The following FAM114A2 variants were observed in gnomAD, a reference collection of about 807,000 sequenced individuals.
FAM114A2 encodes the protein protein FAM114A2.
Under a neutral mutation model 58.4 loss-of-function variants are expected in FAM114A2, and 53 were observed. That is an observed-to-expected ratio of 0.91 (90% confidence interval 0.73 to 1.14). The LOEUF (loss-of-function observed/expected upper bound fraction) is 1.14. Ranked by LOEUF, FAM114A2 falls within the 50% of genes most tolerant of loss-of-function variation. The pLI, the probability that FAM114A2 is intolerant of heterozygous loss-of-function variation, is 0.00. For missense variants in FAM114A2, 601 were observed against 581.1 expected, an observed-to-expected ratio of 1.03 and a Z score of -0.35; for synonymous variants, 228 against 211.4, an observed-to-expected ratio of 1.08 and a Z score of -0.68.
intron 4 of FAM114A2, 143 bp downstream of exon 4, chr5:154,033,648 A>T: frequency 1.7e-6 from 1 of 580,724 alleles, no homozygotes; most frequent in Non-Finnish European, 3.1e-6. Context: ...TCTAATTGGG[A>T]ACTAAAGATT....
intron 8 of FAM114A2, among the ~76,000 whole-genome samples, chr5:154,012,491 T>A (rs1398680734): frequency 6.6e-6 from 1 of 152,226 alleles, no homozygotes; most frequent in Admixed American, 6.5e-5. Flanking sequence ...ATTTACAGTC[T>A]ATAGAATATT....
intron 9 of FAM114A2, 117 bp from the exon 10 acceptor site, chr5:154,003,086 T>C: frequency 1.2e-6 from 1 of 819,416 alleles, no homozygotes; most frequent in Non-Finnish European, 2.0e-6. Context: ...TACCTGAACG[T>C]ACCATCTAGC....
intron 8 of FAM114A2, among the ~76,000 whole-genome samples, chr5:154,018,208 T>C (rs1211955751): frequency 6.6e-6 from 1 of 152,264 alleles, no homozygotes; most frequent in African/African-American, 2.4e-5. Flanking sequence ...ATAATCTCAA[T>C]TAGAAACGAA....
chr5:153,997,547 T>C (rs1561539851), intron 12 of FAM114A2, among the ~76,000 whole-genome samples: 1 of 152,054 alleles, frequency 6.6e-6, no homozygotes, highest in South Asian at 2.1e-4. Flanking sequence ...GCCAAATCTA[T>C]AGAGAAAGAA....
At chr5:153,997,541 A>G (rs1007522631) in intron 12 of FAM114A2, among the ~76,000 whole-genome samples, 1 of 152,216 alleles carries the variant, frequency 6.6e-6, no homozygotes, top group Non-Finnish European at 1.5e-5. Context: ...AAAGCAGCCA[A>G]ATCTATAGAG....
intron 8 of FAM114A2, among the ~76,000 whole-genome samples, chr5:154,015,781 T>C (rs1414520676): frequency 6.6e-6 from 1 of 151,916 alleles, no homozygotes; most frequent in Non-Finnish European, 1.5e-5. Flanking sequence ...AAATCCCTGA[T>C]TCAACTGAAA....
intron 13 of FAM114A2, among the ~76,000 whole-genome samples, chr5:153,994,078 A>G (rs924543926): frequency 4.6e-5 from 7 of 152,210 alleles, no homozygotes; most frequent in Non-Finnish European, 1.0e-4. Context: ...TCACAAACTT[A>G]TATTTTTAAA....
At chr5:154,021,388 T>C (rs921428234) in intron 8 of FAM114A2, among the ~76,000 whole-genome samples, 2 of 152,112 alleles carry the variant, frequency 1.3e-5, no homozygotes, top group African/African-American at 4.8e-5. Flanking sequence ...GATTGTATAT[T>C]TAGAAAACCC....
chr5:154,008,899 G>T (rs979960879), intron 9 of FAM114A2, among the ~76,000 whole-genome samples: 1 of 152,202 alleles, frequency 6.6e-6, no homozygotes, highest in African/African-American at 2.4e-5. Context: ...AGATACAAAT[G>T]TGTAATGGGG....
intron 8 of FAM114A2, among the ~76,000 whole-genome samples, chr5:154,026,068 CCAGT>C (rs1771749710): frequency 1.3e-5 from 2 of 152,116 alleles, no homozygotes; most frequent in South Asian, 4.1e-4. Context: ...ATATGAATGA[CCAGT>C]CAAACTGAGG....
intron 13 of FAM114A2, among the ~76,000 whole-genome samples, chr5:153,993,774 CA>C (rs1466630906): frequency 1.3e-5 from 2 of 151,474 alleles, no homozygotes; most frequent in African/African-American, 4.9e-5. Context: ...AAGAGTGTTT[CA>C]AATCTGTATC....
At chr5:154,028,976 T>C (rs1771990985) in intron 5 of FAM114A2, among the ~76,000 whole-genome samples, 1 of 152,216 alleles carries the variant, frequency 6.6e-6, no homozygotes, top group South Asian at 2.1e-4. Flanking sequence ...ACTTGTTACA[T>C]TCTTCTGTAT....
At position 154,033,865 on chromosome 5, in the gene FAM114A2, A is replaced by C. The variant is rs1772353930; in HGVS notation, c.329T>G (p.Val110Gly). The stretch of plus-strand genomic sequence containing the variant: ...AAGGGAAGTCTCTGCCTTCTCGATG[A>C]CATTTGAAATGCCTTGTCCTAATGA... Reference protein sequence around the residue: ...VATVGQGISNVIEKAETSLGI... With the variant: ...VATVGQGISNGIEKAETSLGI... The change falls in exon 4 of 14, where the codon GTC becomes GGC. Residue 110 changes from valine to glycine, a missense_variant. By Grantham distance (109) the Val-to-Gly change is moderately radical. Transcript: ENST00000351797. 6.2e-7 allele frequency: 1 copy of C among 1,609,316 alleles called. No individual in the cohort carries two copies. Among genetic ancestry groups the C allele is most frequent in the African/African-American group, 1.3e-5 (1 of 74,902 alleles).
intron 4 of FAM114A2, 40 bp downstream of exon 4, chr5:154,033,751 C>A (rs751717191): frequency 8.3e-7 from 1 of 1,201,154 alleles, no homozygotes; most frequent in Non-Finnish European, 1.2e-6. Context: ...TGTTCCATTT[C>A]AATTCATAAT....
intron 8 of FAM114A2, among the ~76,000 whole-genome samples, chr5:154,018,208 T>A (rs1211955751): frequency 6.6e-6 from 1 of 152,146 alleles, no homozygotes; most frequent in Admixed American, 6.5e-5. Flanking sequence ...ATAATCTCAA[T>A]TAGAAACGAA....
intron 4 of FAM114A2, among the ~76,000 whole-genome samples, chr5:154,032,700 T>C (rs530278360): frequency 3.0e-4 from 45 of 152,324 alleles, no homozygotes; most frequent in African/African-American, 1.1e-3. Flanking sequence ...ACTTCATTCC[T>C]GACTTTGAGC....
chr5:154,002,758 G>A, intron 10 of FAM114A2, 89 bp downstream of exon 10: 4 of 1,272,130 alleles, frequency 3.1e-6, no homozygotes, highest in Non-Finnish European at 4.5e-6. Flanking sequence ...ATTACGGACA[G>A]CAGTGTAAAA....
intron 10 of FAM114A2, 29 bp from the exon 11 acceptor site, chr5:154,002,419 C>A: frequency 6.2e-7 from 1 of 1,605,492 alleles, no homozygotes; most frequent in Non-Finnish European, 8.5e-7. Flanking sequence ...CAAAGCATAG[C>A]AAAACAAAAC....
chr5:153,992,095 C>T lies in FAM114A2; in HGVS notation c.*881G>A, dbSNP rs1363919247. 1.3e-5 allele frequency: 2 copies of T among 152,202 alleles called. No individual in the cohort carries two copies. Among genetic ancestry groups the T allele is most frequent in the Non-Finnish European group, 2.9e-5 (2 of 68,034 alleles). The allele number at this position is 152,202 out of a possible 1,614,324, so 9.4% of individuals were successfully genotyped here. On this transcript the variant is annotated 3_prime_UTR_variant, in exon 14 of 14. Transcript: ENST00000351797. ...ATCATTTCTAAAGGACTATGGCCCA[C>T]TTCAACACTCAAACAAAAAAATCCT...
Sources: gnomAD v4.1 joint callset for allele counts (sites outside exome capture counted in the v4.1 genomes callset) on GRCh38, gnomAD v4.1.1 for gene constraint, MANE v1.5 for transcripts, NCBI Gene and HGNC (gene_info 2026-07-23, HGNC 2026-07-21) for gene names.